Variants in ARPP21 observed in about 807,000 individuals in gnomAD.
The protein encoded by ARPP21 is cAMP regulated phosphoprotein 21, also known as cAMP-regulated phosphoprotein 21.
A neutral mutation model predicts 113.2 loss-of-function variants in ARPP21; 69 were observed. That is an observed-to-expected ratio of 0.61 (90% CI 0.50 to 0.74). The LOEUF (loss-of-function observed/expected upper bound fraction) is 0.74. ARPP21 is among the 30% of genes least tolerant of loss of function. The pLI is 0.00. For synonymous variants in ARPP21, 368 were observed against 375.5 expected, an observed-to-expected ratio of 0.98 and a Z score of 0.23; for missense variants, 1,070 against 1,037.4, an observed-to-expected ratio of 1.03 and a Z score of -0.43.
chr3:35,640,440 T>A (rs897880626), intron 1 of ARPP21, 42 bp downstream of exon 1: 2 of 152,242 alleles, frequency 1.3e-5, no homozygotes, highest in African/African-American at 4.8e-5. Flanking sequence ...GCACGCCTTT[T>A]GTGGATTTTT....
At position 35,687,827 on chromosome 3, in the gene ARPP21, A is replaced by G; in HGVS notation, c.350A>G (p.Lys117Arg). 1 of 1,603,316 alleles carries G rather than the reference A, an allele frequency of 6.2e-7. No individual in the cohort carries two copies. Among genetic ancestry groups the G allele is most frequent in the Non-Finnish European group, 8.5e-7 (1 of 1,175,250 alleles). Residue 117 changes from lysine (K) to arginine (R), a missense_variant, in exon 6 of 21, where the codon AAG becomes AGG. Coordinates refer to ENST00000684406, the MANE Select transcript of ARPP21 (RefSeq NM_001385562.1). ...RKDDSEREKE[K>R]DKNKDKTSEK... is the part of the protein sequence containing the mutation. ...GATGACTCTGAAAGAGAAAAAGAAA[A>G]GGATAAAAACAAAGATAAAACCTCT...
At chr3:35,640,920 G>T (rs538882597) in intron 1 of ARPP21, 16 of 152,282 alleles carry the variant, frequency 1.1e-4, no homozygotes, top group African/African-American at 3.8e-4. Flanking sequence ...GTTGAATTAG[G>T]CAGGTGTTTA....
At chr3:35,684,430 T>A (rs1451467236) in intron 5 of ARPP21, 5 of 974,600 alleles carry the variant, frequency 5.1e-6, no homozygotes, top group Non-Finnish European at 6.1e-6. Context: ...ACAGCAAGAT[T>A]AGTAGGTTAT....
chr3:35,653,153 G>C (rs1472993246), intron 1 of ARPP21, among the ~76,000 whole-genome samples: 1 of 151,970 alleles, frequency 6.6e-6, no homozygotes, highest in African/African-American at 2.4e-5. Context: ...ACTCCCTCCT[G>C]TGTGAAAGGG....
At chr3:35,756,152 G>C (rs919166365) in intron 19 of ARPP21, among the ~76,000 whole-genome samples, 1 of 152,108 alleles carries the variant, frequency 6.6e-6, no homozygotes, top group Non-Finnish European at 1.5e-5. Context: ...CTCCAGCTCT[G>C]AAATACCAAG....
chr3:35,646,350 A>C, intron 1 of ARPP21, among the ~76,000 whole-genome samples: 1 of 152,242 alleles, frequency 6.6e-6, no homozygotes, highest in Admixed American at 6.5e-5. Context: ...TGTTTTTCTT[A>C]GTGTTTTGCT....
upstream of ARPP21, among the ~76,000 whole-genome samples, chr3:35,639,202 C>T (rs1210506953): frequency 1.3e-5 from 2 of 152,048 alleles, no homozygotes; most frequent in Non-Finnish European, 2.9e-5. The surrounding 1 kb of genome is among the most constrained non-coding windows in gnomAD (Gnocchi z 5.0). Flanking sequence ...TTAGGGCTGG[C>T]GGAGAACGGC....
At chr3:35,777,388 T>C (rs1271831879) in intron 19 of ARPP21, among the ~76,000 whole-genome samples, 1 of 152,168 alleles carries the variant, frequency 6.6e-6, no homozygotes, top group Non-Finnish European at 1.5e-5. Context: ...CTCAGAGATA[T>C]CAGGCAACTT....
chr3:35,704,766 G>A (rs372543686), intron 9 of ARPP21, among the ~76,000 whole-genome samples: 16 of 151,812 alleles, frequency 1.1e-4, no homozygotes, highest in African/African-American at 2.4e-4. Context: ...CTTATACATT[G>A]GTTAATTTAT....
intron 19 of ARPP21, among the ~76,000 whole-genome samples, chr3:35,789,651 A>G (rs2096707339): frequency 6.6e-6 from 1 of 152,222 alleles, no homozygotes. Context: ...ATCATTAGGC[A>G]GAGGAGGCCT....
chr3:35,765,619 A>G (rs1263489375), intron 19 of ARPP21, among the ~76,000 whole-genome samples: 3 of 152,184 alleles, frequency 2.0e-5, no homozygotes, highest in African/African-American at 7.2e-5. Context: ...AATGTAAATG[A>G]AGACAGAGTG....
At chr3:35,735,949 T>C (rs2094322037) in intron 15 of ARPP21, among the ~76,000 whole-genome samples, 1 of 152,232 alleles carries the variant, frequency 6.6e-6, no homozygotes. Context: ...TGACTTCTCA[T>C]TCATTGATTA....
At chr3:35,668,365 A>C (rs1205859868) in intron 1 of ARPP21, among the ~76,000 whole-genome samples, 1 of 152,168 alleles carries the variant, frequency 6.6e-6, no homozygotes, top group Non-Finnish European at 1.5e-5. Context: ...CCAGTAGAGC[A>C]AATAGCCAAT....
At chr3:35,676,846 A>G (rs546833512) in intron 1 of ARPP21, among the ~76,000 whole-genome samples, 6 of 152,042 alleles carry the variant, frequency 3.9e-5, no homozygotes, top group Non-Finnish European at 8.8e-5. Context: ...AAACTTTAAC[A>G]GAATAATTGT....
intron 16 of ARPP21, among the ~76,000 whole-genome samples, chr3:35,737,805 C>CTACA (rs2094447793): frequency 6.6e-6 from 1 of 152,156 alleles, no homozygotes; most frequent in South Asian, 2.1e-4. Context: ...CTGGCTGTTC[C>CTACA]TACATACTCC....
intron 19 of ARPP21, among the ~76,000 whole-genome samples, chr3:35,751,943 T>C (rs1368864563): frequency 6.6e-6 from 1 of 152,092 alleles, no homozygotes; most frequent in African/African-American, 2.4e-5. Flanking sequence ...AGTATCTCAA[T>C]AATTTGGAAA....
intron 6 of ARPP21, 105 bp downstream of exon 6, chr3:35,687,988 A>G (rs934981166): frequency 1.3e-5 from 13 of 1,031,960 alleles, no homozygotes; most frequent in Non-Finnish European, 1.7e-5. Context: ...CAAACCCTGC[A>G]TATGATTCTA....
intron 19 of ARPP21, among the ~76,000 whole-genome samples, chr3:35,748,439 G>GAAAGAAAGA (rs1213002632): frequency 2.3e-5 from 3 of 131,982 alleles, no homozygotes; most frequent in Middle Eastern, 5.5e-3. Context: ...GAAAGAGAAA[G>GAAAGAAAGA]AAAGAAAGAA....
intron 12 of ARPP21, 139 bp from the exon 13 acceptor site, chr3:35,717,159 T>C: frequency 1.8e-6 from 1 of 548,284 alleles, no homozygotes; most frequent in Non-Finnish European, 3.3e-6. Flanking sequence ...ATTAATTTAT[T>C]ATGGCAAAAT....
Sources: gnomAD v4.1 joint callset for allele counts (sites outside exome capture counted in the v4.1 genomes callset) on GRCh38, gnomAD v4.1.1 for gene constraint, Gnocchi (gnomAD v3.1) non-coding constraint, MANE v1.5 for transcripts, NCBI Gene and HGNC (gene_info 2026-07-23, HGNC 2026-07-21) for gene names.